GPD2: variants seen among roughly 807,000 people sequenced by gnomAD.
GPD2 encodes the protein glycerol-3-phosphate dehydrogenase, mitochondrial.
Under a neutral mutation model 82.4 loss-of-function variants are expected in GPD2, and 54 were observed. The observed-to-expected ratio is 0.66, with a 90% CI of 0.53 to 0.82. GPD2 has a LOEUF of 0.82. GPD2 is among the 40% of genes least tolerant of loss of function. GPD2 has a pLI of 0.00. For synonymous variants in GPD2, 288 were observed against 306.1 expected, an observed-to-expected ratio of 0.94 and a Z score of 0.62; for missense variants, 748 against 896.2, an observed-to-expected ratio of 0.83 and a Z score of 2.11.
chr2:156,555,494 A>G (rs929949085), intron 8 of GPD2, among the ~76,000 whole-genome samples: 3 of 152,158 alleles, frequency 2.0e-5, no homozygotes, highest in African/African-American at 7.2e-5. Flanking sequence ...TCAGCATATA[A>G]TTCGTTTATC....
chr2:156,458,168 G>A (rs1682851443), intron 1 of GPD2, among the ~76,000 whole-genome samples: 1 of 152,194 alleles, frequency 6.6e-6, no homozygotes, highest in Non-Finnish European at 1.5e-5. Flanking sequence ...TTATCACAGG[G>A]TGGGGAGAGA....
rs538136291 is a variant in GPD2 at position 156,553,492 on chromosome 2, G to C, written c.971+2746G>C. On this transcript the variant is annotated intron_variant, in intron 8 of 16. Transcript: ENST00000438166. Reference sequence around the variant, plus strand: ...ACTTACTGCCCAGCTAACCCCTGTAGACAAAAATAAATAAATAATGTAAGT... The same window carrying C: ...ACTTACTGCCCAGCTAACCCCTGTACACAAAAATAAATAAATAATGTAAGT... 4.6e-5 allele frequency among the ~76,000 whole-genome samples: 7 copies of C among 151,998 alleles called. No homozygotes were observed. The South Asian group carries it at 1.5e-3, about 32-fold the overall frequency.
intron 1 of GPD2, among the ~76,000 whole-genome samples, chr2:156,437,430 T>G (rs1681980479): frequency 6.6e-6 from 1 of 152,190 alleles, no homozygotes; most frequent in Non-Finnish European, 1.5e-5. Context: ...CTAGTCCCAG[T>G]CCTACAGTTC....
At chr2:156,560,279 A>T (rs1687120364) in intron 9 of GPD2, among the ~76,000 whole-genome samples, 4 of 135,088 alleles carry the variant, frequency 3.0e-5, no homozygotes, top group African/African-American at 1.1e-4. Context: ...ACCTATAAAT[A>T]CATGGAAGAC....
chr2:156,571,715 T>G (rs745711825), intron 13 of GPD2, among the ~76,000 whole-genome samples: 11 of 151,670 alleles, frequency 7.3e-5, no homozygotes, highest in Non-Finnish European at 1.6e-4. Flanking sequence ...ATATTCCAAA[T>G]TTTAAAAGCT....
At chr2:156,451,480 A>C (rs1433855039) in intron 1 of GPD2, among the ~76,000 whole-genome samples, 3 of 23,858 alleles carry the variant, frequency 1.3e-4, no homozygotes, top group Non-Finnish European at 1.6e-4. Context: ...TGACCCCCCC[A>C]CCTCCCTCCC....
At chr2:156,570,033 C>G in intron 11 of GPD2, 54 bp from the exon 12 acceptor site, 1 of 1,533,312 alleles carries the variant, frequency 6.5e-7, no homozygotes, top group Non-Finnish European at 9.0e-7. Context: ...TTGCTTTGTG[C>G]CTAGAAGCTA....
At chr2:156,400,613 C>A in the GPD2 span, among the ~76,000 whole-genome samples, 1 of 152,320 alleles carries the variant, frequency 6.6e-6, no homozygotes, top group South Asian at 2.1e-4. Flanking sequence ...TCTGAATGCA[C>A]AGTGGAAACA....
intron 2 of GPD2, among the ~76,000 whole-genome samples, chr2:156,489,191 A>G (rs1684058130): frequency 6.6e-6 from 1 of 152,250 alleles, no homozygotes; most frequent in Non-Finnish European, 1.5e-5. Flanking sequence ...ACAAGAGTGC[A>G]CAAGCCTTGC....
chr2:156,512,101 A>G, intron 4 of GPD2, 119 bp from the exon 5 acceptor site: 1 of 723,868 alleles, frequency 1.4e-6, no homozygotes, highest in Non-Finnish European at 2.6e-6. Context: ...GGAGGGAGCT[A>G]TCCTCACTCA....
chr2:156,462,370 C>T (rs1012799025), intron 1 of GPD2, among the ~76,000 whole-genome samples: 14 of 151,992 alleles, frequency 9.2e-5, no homozygotes, highest in Non-Finnish European at 1.6e-4. Context: ...ACTGCAACCT[C>T]CGCCTCCCGG....
intron 2 of GPD2, among the ~76,000 whole-genome samples, chr2:156,493,680 C>T (rs967820606): frequency 6.6e-6 from 1 of 152,056 alleles, no homozygotes; most frequent in African/African-American, 2.4e-5. Context: ...GGTCTTTAAA[C>T]TTATTTCTCA....
At chr2:156,420,812 G>A in the GPD2 span, among the ~76,000 whole-genome samples, 1 of 152,176 alleles carries the variant, frequency 6.6e-6, no homozygotes, top group Non-Finnish European at 1.5e-5. Context: ...TGGAATGTTA[G>A]TGAATGAGTT....
intron 1 of GPD2, among the ~76,000 whole-genome samples, chr2:156,473,939 A>T (rs1274488396): frequency 2.5e-5 from 3 of 121,400 alleles, no homozygotes; most frequent in Non-Finnish European, 5.3e-5. Flanking sequence ...ATAATTTGGG[A>T]AAGAGAAGAT....
the GPD2 span, among the ~76,000 whole-genome samples, chr2:156,415,553 A>C: frequency 6.6e-6 from 1 of 151,874 alleles, no homozygotes; most frequent in African/African-American, 2.4e-5. Context: ...GAGTTACTTC[A>C]CTTTGAATAA....
At chr2:156,574,570 A>T (rs1182818260) in intron 13 of GPD2, among the ~76,000 whole-genome samples, 1 of 151,826 alleles carries the variant, frequency 6.6e-6, no homozygotes, top group African/African-American at 2.4e-5. Flanking sequence ...ATGTAAGTAG[A>T]CTGAGAGTCT....
At chr2:156,442,807 A>G (rs946035903) in intron 1 of GPD2, among the ~76,000 whole-genome samples, 1 of 152,196 alleles carries the variant, frequency 6.6e-6, no homozygotes, top group African/African-American at 2.4e-5. Flanking sequence ...TCAAAAAAAT[A>G]AAAAAGTAAT....
the GPD2 span, among the ~76,000 whole-genome samples, chr2:156,400,829 C>T: frequency 1.3e-5 from 2 of 152,190 alleles, no homozygotes; most frequent in African/African-American, 4.8e-5. Context: ...GGTTCAATCC[C>T]CGGCATCTCC....
chr2:156,412,437 T>TAAA, the GPD2 span, among the ~76,000 whole-genome samples: 259 of 143,122 alleles, frequency 1.8e-3, 1 homozygote, highest in African/African-American at 4.6e-3. Flanking sequence ...ACTTCGTCTG[T>TAAA]AAAAAAAAAA....
Sources: allele counts gnomAD v4.1 joint callset (sites outside exome capture counted in the v4.1 genomes callset), GRCh38; gene constraint gnomAD v4.1.1; transcripts MANE v1.5; gene names NCBI Gene and HGNC (gene_info 2026-07-23, HGNC 2026-07-21).